Variants in AKAP6 observed in about 807,000 individuals in gnomAD.
The protein encoded by AKAP6 is A-kinase anchoring protein 6.
Under a neutral mutation model 188.5 loss-of-function variants are expected in AKAP6, and 58 were observed. The observed-to-expected ratio is 0.31, with a 90% CI of 0.25 to 0.38. The LOEUF (loss-of-function observed/expected upper bound fraction) is 0.38. Ranked by LOEUF, AKAP6 falls within the 10% of genes least tolerant of loss-of-function variation. The probability of loss-of-function intolerance (pLI) is 1.00; values close to 1 mark genes in which losing one functional copy is unlikely to be tolerated. For synonymous variants in AKAP6, 989 were observed against 998.6 expected (o/e 0.99, Z 0.18); for missense variants, 2,710 against 2,740.0 (o/e 0.99, Z 0.24).
intron 1 of AKAP6, among the ~76,000 whole-genome samples, chr14:32,411,539 T>C (rs932674614): frequency 2.0e-5 from 3 of 152,166 alleles, no homozygotes; most frequent in Admixed American, 2.0e-4. Flanking sequence ...AGAGGGAATC[T>C]GGGGTTTTAG....
At chr14:32,343,078 G>A (rs1266197786) in intron 1 of AKAP6, among the ~76,000 whole-genome samples, 2 of 152,122 alleles carry the variant, frequency 1.3e-5, no homozygotes, top group African/African-American at 4.8e-5. Flanking sequence ...TTTCCCATGA[G>A]GAAGGCAGAT....
chr14:32,454,597 A>G (rs1566511887), intron 2 of AKAP6, among the ~76,000 whole-genome samples: 1 of 151,832 alleles, frequency 6.6e-6, no homozygotes. Flanking sequence ...CAGCAGGAAG[A>G]TAAATTACAG....
intron 4 of AKAP6, among the ~76,000 whole-genome samples, chr14:32,550,095 A>G (rs1386717180): frequency 6.6e-6 from 1 of 152,246 alleles, no homozygotes; most frequent in African/African-American, 2.4e-5. Flanking sequence ...ACAGCTTGGC[A>G]TATTCCATTC....
chr14:32,436,670 C>T (rs944801036), intron 2 of AKAP6, among the ~76,000 whole-genome samples: 6 of 152,154 alleles, frequency 3.9e-5, no homozygotes. Context: ...AGCATGGTGA[C>T]TCAAGACTAT....
chr14:32,777,019 T>C (rs2033088418), intron 12 of AKAP6, among the ~76,000 whole-genome samples: 1 of 152,152 alleles, frequency 6.6e-6, no homozygotes, highest in South Asian at 2.1e-4. Flanking sequence ...CTAGAAATCA[T>C]TCCCTTTTCC....
chr14:32,467,987 G>T lies in AKAP6; in HGVS notation c.324+34170G>T, dbSNP rs148387028. On this transcript the variant is annotated intron_variant, in intron 2 of 13. Coordinates refer to ENST00000280979, the MANE Select transcript of AKAP6 (RefSeq NM_004274.5). ...TCATCAAGGGACTTTTCAATTGCTG[G>T]TTACAGCCCTTCTGTTCTTGTATGT... Among the ~76,000 whole-genome samples, 847 of 151,516 alleles carry T rather than the reference G, an allele frequency of 5.6e-3. 22 individuals are homozygous for T. Among genetic ancestry groups the T allele is most frequent in the Admixed American group, 0.033 (502 of 15,186 alleles).
chr14:32,363,231 C>T (rs1302994191), intron 1 of AKAP6, among the ~76,000 whole-genome samples: 3 of 152,160 alleles, frequency 2.0e-5, no homozygotes, highest in Non-Finnish European at 4.4e-5. Context: ...GTACTAAGTG[C>T]TGTGGGAACA....
chr14:32,664,815 C>T (rs1450365941), intron 7 of AKAP6, among the ~76,000 whole-genome samples: 1 of 152,006 alleles, frequency 6.6e-6, no homozygotes, highest in Admixed American at 6.6e-5. Flanking sequence ...GATCCAGACC[C>T]CTAGGAACTG....
chr14:32,804,737 T>C (rs2034044408), intron 12 of AKAP6, among the ~76,000 whole-genome samples: 1 of 152,090 alleles, frequency 6.6e-6, no homozygotes, highest in Non-Finnish European at 1.5e-5. Context: ...AGGGCATATC[T>C]CAGTCCTTAT....
chr14:32,686,218 A>AT (rs34502034), intron 8 of AKAP6, among the ~76,000 whole-genome samples: 5 of 151,934 alleles, frequency 3.3e-5, no homozygotes, highest in South Asian at 4.2e-4. Context: ...GTCTCACTTT[A>AT]TTTTTTGGGA....
chr14:32,335,463 A>G, intron 1 of AKAP6, among the ~76,000 whole-genome samples: 1 of 152,156 alleles, frequency 6.6e-6, no homozygotes, highest in Non-Finnish European at 1.5e-5. Flanking sequence ...TTCAAATAGA[A>G]ATTGTAGTGC....
intron 3 of AKAP6, among the ~76,000 whole-genome samples, chr14:32,536,865 G>A (rs555922609): frequency 7.9e-5 from 12 of 152,172 alleles, no homozygotes; most frequent in South Asian, 4.1e-4. Context: ...ATATGGATAC[G>A]TTGCATGTAG....
chr14:32,336,825 C>T (rs1378144371), intron 1 of AKAP6, among the ~76,000 whole-genome samples: 1 of 152,104 alleles, frequency 6.6e-6, no homozygotes. Context: ...ATCAGTGTTA[C>T]CTTCTGGGAC....
chr14:32,539,924 C>A (rs548579633), intron 3 of AKAP6, among the ~76,000 whole-genome samples: 1 of 151,998 alleles, frequency 6.6e-6, no homozygotes, highest in East Asian at 1.9e-4. Context: ...CCACAGCCCC[C>A]ACAGGTCTGA....
intron 1 of AKAP6, among the ~76,000 whole-genome samples, chr14:32,331,605 C>G (rs747240243): frequency 6.6e-6 from 1 of 152,082 alleles, no homozygotes; most frequent in Non-Finnish European, 1.5e-5. Flanking sequence ...CCACAGCCTG[C>G]GCTGCTCTCT....
rs139782000 is a variant in AKAP6, at chr14:32,796,637, G to T, written c.3588+22744G>T. On this transcript the variant is annotated intron_variant, in intron 12 of 13. Transcript: ENST00000280979. ...ACCATCTACAAAGGTTAACTCAACC[G>T]ATGGATTAAGACTTAAATGTAAAAC... Among the ~76,000 whole-genome samples the T allele has an allele frequency of 3.4e-3, 514 of 152,246 alleles. 2 individuals are homozygous for T. Among genetic ancestry groups the T allele is most frequent in the Non-Finnish European group, 5.2e-3 (355 of 68,004 alleles).
rs1378396432 is a variant in AKAP6 at position 32,413,174 on chromosome 14, AATTTTTTTTTTT to A, written c.-34-20285_-34-20274del. On this transcript the variant is annotated intron_variant, in intron 1 of 13. Transcript: ENST00000280979. ...GGGACAAAAAGAAAGTATTTATTGA[AATTTTTTTTTTT>A]TTTTTTTTTTTTTTAGATGGGGTCT... 6.1e-5 allele frequency among the ~76,000 whole-genome samples: 8 copies of A among 131,206 alleles called. No individual in the cohort carries two copies. In the South Asian group the frequency reaches 9.4e-4, roughly 15 times the overall value. 86.1% of individuals were successfully genotyped at this position (131,206 alleles called of 152,430 possible).
chr14:32,394,004 A>G (rs1003959177), intron 1 of AKAP6, among the ~76,000 whole-genome samples: 2 of 152,284 alleles, frequency 1.3e-5, no homozygotes, highest in Admixed American at 6.5e-5. Flanking sequence ...TAATTATGAC[A>G]TATTTAAAAT....
intron 11 of AKAP6, among the ~76,000 whole-genome samples, chr14:32,759,106 A>T (rs1462741487): frequency 2.0e-5 from 3 of 152,226 alleles, no homozygotes; most frequent in Non-Finnish European, 2.9e-5. Context: ...GGGAAAAAAA[A>T]TGGCCTAACT....
Sources: allele counts gnomAD v4.1 joint callset (sites outside exome capture counted in the v4.1 genomes callset), GRCh38; gene constraint gnomAD v4.1.1; transcripts MANE v1.5; gene names NCBI Gene and HGNC (gene_info 2026-07-23, HGNC 2026-07-21).